ATRX: variants seen among roughly 807,000 people sequenced by gnomAD.
ATRX encodes chromatin remodeler ATRX.
In ATRX, 12 loss-of-function variants were observed where a neutral mutation model predicts 172.6. The ratio of observed to expected loss-of-function variants is 0.07; its 90% CI spans 0.04 to 0.11. The LOEUF is 0.11. ATRX is among the 10% of genes least tolerant of loss of function. ATRX has a pLI of 1.00. For missense variants in ATRX, 1,368 were observed against 1,767.4 expected (o/e 0.77, Z 4.05); for synonymous variants, 674 against 594.7 (o/e 1.13, Z -1.94).
chrX:77,603,048 A>AT, intron 22 of ATRX, among the ~76,000 whole-genome samples: 1 of 111,564 alleles, frequency 9.0e-6, no homozygotes, highest in East Asian at 2.8e-4. Context: ...AATAGACATG[A>AT]AGACATTACA....
At chrX:77,617,528 T>C (rs955247319) in intron 21 of ATRX, among the ~76,000 whole-genome samples, 1 of 111,332 alleles carries the variant, frequency 9.0e-6, no homozygotes, top group Non-Finnish European at 1.9e-5. Context: ...ATAAATAATG[T>C]AGTGTTTGCA....
intron 30 of ATRX, among the ~76,000 whole-genome samples, chrX:77,544,450 G>A (rs181172315): frequency 2.0e-4 from 22 of 109,694 alleles, no homozygotes; most frequent in Non-Finnish European, 3.0e-4. Context: ...AAGTTTTAGC[G>A]TACATGTGCA....
intron 2 of ATRX, among the ~76,000 whole-genome samples, chrX:77,703,889 C>T (rs1758649147): frequency 9.0e-6 from 1 of 111,002 alleles, no homozygotes; most frequent in Non-Finnish European, 1.9e-5. Context: ...GGTGGTTCTT[C>T]TCTGCTAGGC....
At chrX:77,738,360 T>G (rs1334232173) in intron 1 of ATRX, among the ~76,000 whole-genome samples, 1 of 102,694 alleles carries the variant, frequency 9.7e-6, no homozygotes, top group Non-Finnish European at 2.0e-5. Flanking sequence ...CAATAAATAA[T>G]AATAATAATA....
intron 25 of ATRX, chrX:77,595,092 TATG>T (rs2066426713): frequency 8.9e-6 from 1 of 112,287 alleles, no homozygotes; most frequent in Admixed American, 9.5e-5. Flanking sequence ...GGCATAAAGT[TATG>T]ATTAGGAATT....
At chrX:77,613,837 T>C (rs1216077846) in intron 22 of ATRX, among the ~76,000 whole-genome samples, 1 of 112,275 alleles carries the variant, frequency 8.9e-6, no homozygotes, top group Non-Finnish European at 1.9e-5. Flanking sequence ...GCCAGACTAA[T>C]ATTTAGTTAT....
At chrX:77,629,960 G>A (rs1602958714) in intron 19 of ATRX, among the ~76,000 whole-genome samples, 4 of 112,223 alleles carry the variant, frequency 3.6e-5, no homozygotes, top group South Asian at 3.6e-4. Flanking sequence ...ACTAAATCGC[G>A]TGCGTGCGCG....
At chrX:77,669,708 A>C (rs782607877) in intron 10 of ATRX, among the ~76,000 whole-genome samples, 1 of 110,604 alleles carries the variant, frequency 9.0e-6, no homozygotes, top group Admixed American at 9.6e-5. Flanking sequence ...TTTTTTTTTA[A>C]TTTTATTTTA....
chrX:77,558,759 A>G lies in ATRX; in HGVS notation c.6414T>C (p.Ser2138=). 4 of 1,201,816 alleles carry G rather than the reference A, an allele frequency of 3.3e-6. No homozygotes were observed. The highest frequency in any genetic ancestry group is 4.5e-6 in the Non-Finnish European group (4 of 886,457). The change falls in exon 29 of 35, where the codon TCT becomes TCC. Residue 2138 remains serine (S), a synonymous_variant. Transcript: ENST00000373344. ...TCTGGATGTCATAAGATGGATTCCA[A>G]GAAGCGTCGAATATAATTACTCGAT... ...AANRVIIFDA[S]WNPSYDIQSI...
At position 77,518,992 on chromosome X, in the gene ATRX, C is replaced by A. The variant is rs1177227233; in HGVS notation, c.7200+1796G>T. On this transcript the variant is annotated intron_variant, in intron 34 of 34. Transcript: ENST00000373344. ...GACCCCAAGCTCTTGCCATATACAA[C>A]ATTCAAATCAAAATGGATTAAAGAC... 7.1e-5 allele frequency among the ~76,000 whole-genome samples: 8 copies of A among 112,075 alleles called. No homozygotes were observed. In the Admixed American group the frequency reaches 7.6e-4, roughly 11 times the overall value.
intron 19 of ATRX, among the ~76,000 whole-genome samples, chrX:77,627,699 CAA>C (rs782249390): frequency 5.6e-4 from 41 of 72,884 alleles, no homozygotes; most frequent in African/African-American, 1.7e-3. Context: ...CTGTCTCTAC[CAA>C]AAAAAAAAAA....
At chrX:77,767,231 C>T (rs1396065327) in intron 1 of ATRX, among the ~76,000 whole-genome samples, 3 of 86,939 alleles carry the variant, frequency 3.5e-5, no homozygotes, top group African/African-American at 1.3e-4. Context: ...AGAGGGAGAC[C>T]GTGGGGAGAG....
At chrX:77,586,653 A>G (rs781820247) in intron 27 of ATRX, among the ~76,000 whole-genome samples, 25 of 112,351 alleles carry the variant, frequency 2.2e-4, no homozygotes, top group Non-Finnish European at 4.3e-4. Flanking sequence ...CAATGTTTCA[A>G]AAGTCCTAAA....
At chrX:77,673,219 T>G (rs782142022) in intron 10 of ATRX, among the ~76,000 whole-genome samples, 3 of 111,406 alleles carry the variant, frequency 2.7e-5, no homozygotes, top group Non-Finnish European at 5.7e-5. Context: ...AGGCTAATTA[T>G]TGAATTGAAA....
At chrX:77,777,613 G>C (rs1341468319) in intron 1 of ATRX, among the ~76,000 whole-genome samples, 1 of 110,770 alleles carries the variant, frequency 9.0e-6, no homozygotes, top group Non-Finnish European at 1.9e-5. Flanking sequence ...AACTAAATCT[G>C]GAATGCTATC....
rs563582060 is a variant in ATRX, at chrX:77,561,307, A to T, written c.6327-2461T>A. Among the ~76,000 whole-genome samples the T allele has an allele frequency of 2.7e-5, 3 of 110,902 alleles. No individual in the cohort carries two copies. The Middle Eastern group carries it at 0.014, about 509-fold the overall frequency. ...TGGTATAAACTATGTAGGTTAAAAAACACACATACATACATACATACACAC... is the reference window on the plus strand; with the variant it reads ...TGGTATAAACTATGTAGGTTAAAAATCACACATACATACATACATACACAC... On this transcript the variant is annotated intron_variant, in intron 28 of 34. Coordinates refer to ENST00000373344, the MANE Select transcript of ATRX (RefSeq NM_000489.6).
At position 77,776,725 on chromosome X, in the gene ATRX, T is replaced by C. The variant is rs905464574; in HGVS notation, c.20+9257A>G. 1.2e-4 allele frequency among the ~76,000 whole-genome samples: 13 copies of C among 112,235 alleles called. No individual in the cohort carries two copies. The Admixed American group carries it at 1.2e-3, about 11-fold the overall frequency. On this transcript the variant is annotated intron_variant, in intron 1 of 34. Coordinates refer to ENST00000373344, the MANE Select transcript of ATRX (RefSeq NM_000489.6). ...CAAAAGGGTTGCAGCTCATGAATTATTGTGAAGTGGTAGAAGGAAGGTTAT... is the reference window on the plus strand; with the variant it reads ...CAAAAGGGTTGCAGCTCATGAATTACTGTGAAGTGGTAGAAGGAAGGTTAT...
intron 1 of ATRX, among the ~76,000 whole-genome samples, chrX:77,763,877 G>A (rs1451180759): frequency 9.0e-6 from 1 of 111,328 alleles, no homozygotes; most frequent in Non-Finnish European, 1.9e-5. Context: ...ACTTTGGGAG[G>A]CTGAGGCAAG....
In ATRX at chrX:77,717,178, G is replaced by T; in HGVS notation, c.86C>A (p.Ser29Tyr). Residue 29 changes from serine (S) to tyrosine (Y), a missense_variant, in exon 2 of 35, where the codon TCT becomes TAT. By Grantham distance (144) the Ser-to-Tyr change is moderately radical (BLOSUM62 -2). This residue lies in a region of ATRX where 84 missense variants were observed against 82.8 expected (regional missense o/e 1.01). Transcript: ENST00000373344. ...TCGTGGAGGAGAACTTGTTTCTTCA[G>T]ATTCTTCTGATGAGTGTGCAAGGAA... is the stretch of plus-strand genomic sequence containing the variant. ...HDFLAHSSEE[S>Y]EETSSPPRLA... 1 of 1,211,112 alleles carries T rather than the reference G, an allele frequency of 8.3e-7. No individual in the cohort carries two copies. Among genetic ancestry groups the T allele is most frequent in the South Asian group, 1.8e-5 (1 of 56,955 alleles).
Sources: allele counts gnomAD v4.1 joint callset (sites outside exome capture counted in the v4.1 genomes callset), GRCh38; gene constraint gnomAD v4.1.1; regional missense constraint gnomAD v4.1.1; transcripts MANE v1.5; gene names NCBI Gene and HGNC (gene_info 2026-07-23, HGNC 2026-07-21).